Variants in SHISA9 observed in about 807,000 individuals in gnomAD.
SHISA9 encodes the protein shisa family member 9, also known as protein shisa-9.
SHISA9 carries 13 observed loss-of-function variants against 38.0 expected under a neutral mutation model. The ratio of observed to expected loss-of-function variants is 0.34; its 90% CI spans 0.22 to 0.54. SHISA9 has a LOEUF of 0.54. Among genes scored for constraint, SHISA9 ranks in the 20% least tolerant of loss-of-function variants. The pLI is 0.91. For missense variants in SHISA9, 538 were observed against 575.8 expected (o/e 0.93, Z 0.67); for synonymous variants, 275 against 242.0 (o/e 1.14, Z -1.27).
the SHISA9 span, among the ~76,000 whole-genome samples, chr16:13,347,239 A>T: frequency 2.0e-5 from 3 of 152,176 alleles, no homozygotes; most frequent in African/African-American, 4.8e-5. Context: ...TAGTATACTT[A>T]TTTAATTCTT....
the SHISA9 span, among the ~76,000 whole-genome samples, chr16:13,245,892 G>A: frequency 6.6e-6 from 1 of 152,040 alleles, no homozygotes; most frequent in Non-Finnish European, 1.5e-5. Flanking sequence ...CTCTTGTCTG[G>A]CGCCTGTTTA....
At chr16:13,019,932 TTTC>T (rs1567184188) in intron 2 of SHISA9, among the ~76,000 whole-genome samples, 29 of 90,586 alleles carry the variant, frequency 3.2e-4, no homozygotes, top group South Asian at 2.8e-3. Flanking sequence ...TCTTTCTTTC[TTTC>T]TTTCTTTCTT....
At chr16:13,301,331 G>A in the SHISA9 span, among the ~76,000 whole-genome samples, 4 of 152,172 alleles carry the variant, frequency 2.6e-5, no homozygotes, top group Non-Finnish European at 5.9e-5. Context: ...GGAGAGTCTT[G>A]TTAAAATGTA....
intron 2 of SHISA9, among the ~76,000 whole-genome samples, chr16:13,051,163 A>G (rs781199630): frequency 6.6e-6 from 1 of 152,252 alleles, no homozygotes; most frequent in Non-Finnish European, 1.5e-5. Flanking sequence ...TGTAAAAGAA[A>G]GAGGTTGAAT....
At chr16:13,063,522 G>A (rs957741011) in intron 2 of SHISA9, among the ~76,000 whole-genome samples, 4 of 152,064 alleles carry the variant, frequency 2.6e-5, no homozygotes, top group Admixed American at 6.5e-5. Flanking sequence ...TTCTGCCTCC[G>A]TGTGTTCTTG....
intron 2 of SHISA9, among the ~76,000 whole-genome samples, chr16:12,972,601 AGGCACTAATCTTATGTGACTGT>A (rs1425587289): frequency 6.6e-6 from 1 of 152,232 alleles, no homozygotes; most frequent in African/African-American, 2.4e-5. Context: ...TCAATATAGC[AGGCACTAATCTTATGTGACTGT>A]TGGACCATTG....
the SHISA9 span, among the ~76,000 whole-genome samples, chr16:13,435,845 G>A: frequency 1.3e-5 from 2 of 152,190 alleles, no homozygotes; most frequent in Non-Finnish European, 2.9e-5. Flanking sequence ...AAAGTGTGAG[G>A]AAATGTGATT....
chr16:12,952,504 GTTTAGCTCTGT>G, intron 2 of SHISA9, among the ~76,000 whole-genome samples: 2 of 152,314 alleles, frequency 1.3e-5, no homozygotes, highest in East Asian at 3.9e-4. Flanking sequence ...ATCTGATGTG[GTTTAGCTCTGT>G]GTCCCCATCC....
At chr16:13,162,701 C>T (rs2050605669) in intron 2 of SHISA9, among the ~76,000 whole-genome samples, 1 of 152,036 alleles carries the variant, frequency 6.6e-6, no homozygotes, top group Non-Finnish European at 1.5e-5. Flanking sequence ...TATTATCAAA[C>T]AGGTGTATGG....
the SHISA9 span, among the ~76,000 whole-genome samples, chr16:13,533,814 C>T: frequency 2.8e-5 from 4 of 142,774 alleles, no homozygotes; most frequent in African/African-American, 1.1e-4. Context: ...GACAGAGTCT[C>T]GCTGTATCGC....
chr16:13,083,633 C>T (rs369264890), intron 2 of SHISA9, among the ~76,000 whole-genome samples: 4 of 152,108 alleles, frequency 2.6e-5, no homozygotes, highest in Non-Finnish European at 5.9e-5. Flanking sequence ...CACTTTGAGG[C>T]GAGGGTCTGG....
At chr16:12,928,160 C>T (rs772069911) in intron 2 of SHISA9, among the ~76,000 whole-genome samples, 5 of 119,804 alleles carry the variant, frequency 4.2e-5, no homozygotes, top group African/African-American at 1.8e-4. Flanking sequence ...ACTGTCCTTA[C>T]TTTTTCTTAT....
chr16:13,479,817 T>A, the SHISA9 span, among the ~76,000 whole-genome samples: 1 of 152,186 alleles, frequency 6.6e-6, no homozygotes, highest in East Asian at 1.9e-4. Flanking sequence ...TTCTATTCCC[T>A]TTGTCAGGGA....
chr16:12,903,225 G>C (rs906515994), intron 1 of SHISA9, among the ~76,000 whole-genome samples: 4 of 152,164 alleles, frequency 2.6e-5, no homozygotes, highest in African/African-American at 9.6e-5. Context: ...GCCGTCCCTG[G>C]ATTTGGGACC....
In SHISA9 at chr16:13,203,783, A is replaced by C. The variant is rs115054973; in HGVS notation, c.847+234A>C. 1.3e-3 allele frequency among the ~76,000 whole-genome samples: 190 copies of C among 151,938 alleles called. 1 individual carries two copies. Among genetic ancestry groups the C allele is most frequent in the African/African-American group, 4.4e-3 (184 of 41,434 alleles). ...TGCATTCATTCATCCATCCACCTAT[A>C]CACTCTATCCATCCATTCATCCATC... is the stretch of plus-strand genomic sequence containing the variant. On this transcript the variant is annotated intron_variant, in intron 3 of 4. Coordinates refer to ENST00000558583, the MANE Select transcript of SHISA9 (RefSeq NM_001145204.3).
chr16:13,181,265 TTTTATATATATA>T (rs1310751009), intron 2 of SHISA9, among the ~76,000 whole-genome samples: 34 of 91,620 alleles, frequency 3.7e-4, no homozygotes, highest in East Asian at 1.2e-3. Context: ...TAAAATAAAA[TTTTATATATATA>T]TATATATATA....
intron 2 of SHISA9, among the ~76,000 whole-genome samples, chr16:13,049,073 G>A (rs1304623000): frequency 6.6e-6 from 1 of 152,046 alleles, no homozygotes; most frequent in Non-Finnish European, 1.5e-5. Context: ...TTTGCTTTGT[G>A]TTCCAGGTTC....
chr16:13,128,471 C>T (rs967087519), intron 2 of SHISA9, among the ~76,000 whole-genome samples: 3 of 152,076 alleles, frequency 2.0e-5, no homozygotes, highest in Admixed American at 6.6e-5. Flanking sequence ...CTTTTCTTTA[C>T]CTCTCTAAGC....
intron 2 of SHISA9, among the ~76,000 whole-genome samples, chr16:13,062,603 G>A (rs2073388812): frequency 6.6e-6 from 1 of 152,078 alleles, no homozygotes; most frequent in Non-Finnish European, 1.5e-5. Context: ...TTATCATGGT[G>A]CTTTTGAGCC....
Sources: gnomAD v4.1 joint callset for allele counts (sites outside exome capture counted in the v4.1 genomes callset) on GRCh38, gnomAD v4.1.1 for gene constraint, MANE v1.5 for transcripts, NCBI Gene and HGNC (gene_info 2026-07-23, HGNC 2026-07-21) for gene names.